The following PTPRD variants were observed in gnomAD, a reference collection of about 807,000 sequenced individuals.
PTPRD encodes protein tyrosine phosphatase receptor type D.
A neutral mutation model predicts 214.5 loss-of-function variants in PTPRD; 34 were observed. That is an observed-to-expected ratio of 0.16 (90% CI 0.12 to 0.21). The LOEUF is 0.21. Among genes scored for constraint, PTPRD ranks in the 10% least tolerant of loss-of-function variants. The pLI, the probability that PTPRD is intolerant of heterozygous loss-of-function variation, is 1.00. For synonymous variants in PTPRD, 1,128 were observed against 845.7 expected, an observed-to-expected ratio of 1.33 and a Z score of -5.79; for missense variants, 2,545 against 2,398.7, an observed-to-expected ratio of 1.06 and a Z score of -1.27.
intron 10 of PTPRD, among the ~76,000 whole-genome samples, chr9:9,124,013 G>A (rs1010721761): frequency 4.6e-5 from 7 of 152,044 alleles, no homozygotes; most frequent in Admixed American, 6.6e-5. Flanking sequence ...AGGTGGGGTG[G>A]GGGAGGGAGG....
At position 8,703,481 on chromosome 9, in the gene PTPRD, T is replaced by C. The variant is rs986008092; in HGVS notation, c.64+30299A>G. Among the ~76,000 whole-genome samples the C allele has an allele frequency of 1.6e-4, 25 of 152,212 alleles. 1 individual carries two copies. The highest frequency in any genetic ancestry group is 1.9e-4 in the Non-Finnish European group (13 of 68,042). ...CTGCTATTACCAAGTCCAATGGACA[T>C]GTTCAGATCCATCAACAGCATTTGA... On this transcript the variant is annotated intron_variant, in intron 12 of 45. Transcript: ENST00000381196.
intron 9 of PTPRD, among the ~76,000 whole-genome samples, chr9:9,244,017 G>C (rs2099971698): frequency 1.3e-5 from 2 of 152,164 alleles, no homozygotes; most frequent in Non-Finnish European, 2.9e-5. Context: ...GCCAAATCAT[G>C]AGTGAACTCC....
At chr9:8,471,797 T>C (rs1481172159) in intron 30 of PTPRD, among the ~76,000 whole-genome samples, 1 of 152,116 alleles carries the variant, frequency 6.6e-6, no homozygotes, top group African/African-American at 2.4e-5. Flanking sequence ...ATTTAAGGAA[T>C]GTATAAAGGC....
intron 3 of PTPRD, among the ~76,000 whole-genome samples, chr9:10,292,908 A>G (rs1283784933): frequency 6.6e-6 from 1 of 151,926 alleles, no homozygotes; most frequent in Non-Finnish European, 1.5e-5. Context: ...TTAGTAAGTT[A>G]CATAAAAGAA....
intron 9 of PTPRD, among the ~76,000 whole-genome samples, chr9:9,383,108 G>C (rs1596793631): frequency 6.6e-6 from 1 of 151,924 alleles, no homozygotes; most frequent in Non-Finnish European, 1.5e-5. Context: ...TATATTTTTA[G>C]ATCAAAATAA....
At chr9:10,320,026 C>T (rs921391567) in intron 3 of PTPRD, among the ~76,000 whole-genome samples, 2 of 152,026 alleles carry the variant, frequency 1.3e-5, no homozygotes, top group Non-Finnish European at 2.9e-5. Context: ...CATTATCTGA[C>T]ATTTTAGTGG....
chr9:9,175,291 C>G (rs2131154297), intron 10 of PTPRD, among the ~76,000 whole-genome samples: 1 of 152,158 alleles, frequency 6.6e-6, no homozygotes, highest in Admixed American at 6.5e-5. Context: ...TATATAAGAT[C>G]ATACAGGGCA....
At chr9:9,054,009 T>G (rs912396756) in intron 10 of PTPRD, among the ~76,000 whole-genome samples, 1 of 152,154 alleles carries the variant, frequency 6.6e-6, no homozygotes, top group Non-Finnish European at 1.5e-5. Context: ...GGAGACAATT[T>G]TTTCCCTTTA....
intron 37 of PTPRD, among the ~76,000 whole-genome samples, chr9:8,388,380 A>C (rs1365652673): frequency 1.3e-5 from 2 of 152,138 alleles, no homozygotes; most frequent in East Asian, 3.8e-4. Context: ...GTGGTTTCAA[A>C]TTCTGTCTTG....
chr9:9,709,495 A>C (rs1236914476), intron 7 of PTPRD, among the ~76,000 whole-genome samples: 1 of 152,008 alleles, frequency 6.6e-6, no homozygotes, highest in Non-Finnish European at 1.5e-5. Flanking sequence ...AAAACTGATA[A>C]ATTAGTATAA....
At chr9:9,463,633 AT>A (rs1409764855) in intron 8 of PTPRD, among the ~76,000 whole-genome samples, 1 of 152,036 alleles carries the variant, frequency 6.6e-6, no homozygotes, top group East Asian at 1.9e-4. Context: ...TTCTATTTTT[AT>A]TTTTATTTTT....
At chr9:9,455,377 G>C (rs941283421) in intron 8 of PTPRD, among the ~76,000 whole-genome samples, 3 of 151,386 alleles carry the variant, frequency 2.0e-5, no homozygotes, top group African/African-American at 7.3e-5. Context: ...TGTCTCTCTA[G>C]TTTCATTTTG....
At chr9:9,826,595 A>C (rs1207796057) in intron 5 of PTPRD, among the ~76,000 whole-genome samples, 1 of 152,032 alleles carries the variant, frequency 6.6e-6, no homozygotes, top group African/African-American at 2.4e-5. Flanking sequence ...GTAGATGTAT[A>C]CATATTCTGC....
At chr9:9,815,919 A>G (rs1025230924) in intron 5 of PTPRD, among the ~76,000 whole-genome samples, 2 of 152,180 alleles carry the variant, frequency 1.3e-5, no homozygotes, top group Admixed American at 1.3e-4. Flanking sequence ...TTCTCACCAC[A>G]CATACACAAA....
chr9:9,720,736 T>A (rs2097920815), intron 7 of PTPRD, among the ~76,000 whole-genome samples: 1 of 152,092 alleles, frequency 6.6e-6, no homozygotes, highest in Admixed American at 6.5e-5. Context: ...AGATATGGAA[T>A]CAACCTAAAT....
At chr9:8,620,880 A>C (rs991587023) in intron 14 of PTPRD, among the ~76,000 whole-genome samples, 1 of 152,012 alleles carries the variant, frequency 6.6e-6, no homozygotes, top group East Asian at 1.9e-4. Context: ...GATGTACACA[A>C]GTAATTTTTC....
chr9:8,464,184 T>C (rs910041141), intron 32 of PTPRD, among the ~76,000 whole-genome samples: 2 of 151,954 alleles, frequency 1.3e-5, no homozygotes, highest in African/African-American at 4.8e-5. Flanking sequence ...TTTCTCTTCT[T>C]TGCTAGATTC....
intron 8 of PTPRD, among the ~76,000 whole-genome samples, chr9:9,446,991 CTAT>C (rs2090632922): frequency 6.6e-6 from 1 of 152,092 alleles, no homozygotes; most frequent in Admixed American, 6.6e-5. Flanking sequence ...GTCAGAATGG[CTAT>C]TATAAAATGT....
At chr9:9,973,187 G>A (rs1453381674) in intron 4 of PTPRD, among the ~76,000 whole-genome samples, 1 of 151,902 alleles carries the variant, frequency 6.6e-6, no homozygotes, top group Admixed American at 6.6e-5. Flanking sequence ...ATGTGGCTGG[G>A]CGCAGTGGCT....
Sources: gnomAD v4.1 joint callset for allele counts (sites outside exome capture counted in the v4.1 genomes callset) on GRCh38, gnomAD v4.1.1 for gene constraint, MANE v1.5 for transcripts, NCBI Gene and HGNC (gene_info 2026-07-23, HGNC 2026-07-21) for gene names.